The following VPS13B variants were observed in gnomAD, a reference collection of about 807,000 sequenced individuals.
VPS13B encodes the protein intermembrane lipid transfer protein VPS13B.
In VPS13B, 285 loss-of-function variants were observed where a neutral mutation model predicts 426.4. That is an observed-to-expected ratio of 0.67 (90% confidence interval 0.61 to 0.74). The LOEUF (loss-of-function observed/expected upper bound fraction) is 0.74. Among genes scored for constraint, VPS13B ranks in the 30% least tolerant of loss-of-function variants. The probability of loss-of-function intolerance (pLI) is 0.00; values close to 1 mark genes in which losing one functional copy is unlikely to be tolerated. For missense variants in VPS13B, 4,537 were observed against 4,782.6 expected (o/e 0.95, Z 1.51); for synonymous variants, 1,676 against 1,676.4 (o/e 1.00, Z 0.01).
intron 33 of VPS13B, among the ~76,000 whole-genome samples, chr8:99,616,324 AT>A (rs1003898116): frequency 2.6e-5 from 4 of 152,208 alleles, no homozygotes; most frequent in Non-Finnish European, 5.9e-5. Context: ...TTTAAAAAAA[AT>A]CTCACGAGAT....
chr8:99,264,763 T>C (rs961032894), intron 17 of VPS13B, among the ~76,000 whole-genome samples: 105 of 152,302 alleles, frequency 6.9e-4, no homozygotes, highest in African/African-American at 2.4e-3. Context: ...TAAACACTTT[T>C]AATTTGCAAC....
chr8:99,397,141 C>A (rs1317260699), intron 21 of VPS13B, among the ~76,000 whole-genome samples: 1 of 151,888 alleles, frequency 6.6e-6, no homozygotes, highest in Admixed American at 6.6e-5. Context: ...AATATTTCTT[C>A]TTTATTTATT....
chr8:99,537,595 T>C (rs536207247), intron 30 of VPS13B, among the ~76,000 whole-genome samples: 1 of 152,292 alleles, frequency 6.6e-6, no homozygotes, highest in Admixed American at 6.5e-5. Flanking sequence ...GAAGTTGCCC[T>C]CCTCTTTGGA....
At chr8:99,503,923 A>G (rs1161595693) in intron 27 of VPS13B, among the ~76,000 whole-genome samples, 1 of 152,184 alleles carries the variant, frequency 6.6e-6, no homozygotes, top group Non-Finnish European at 1.5e-5. Context: ...TGAATCTTTT[A>G]CAGAAGGTGT....
chr8:99,225,512 G>A (rs545588066), intron 17 of VPS13B, among the ~76,000 whole-genome samples: 14 of 152,138 alleles, frequency 9.2e-5, no homozygotes, highest in South Asian at 2.1e-4. Context: ...TTCTGACCTC[G>A]TGATCCATCC....
chr8:99,788,010 A>T (rs966899898), intron 43 of VPS13B, among the ~76,000 whole-genome samples: 1 of 152,136 alleles, frequency 6.6e-6, no homozygotes, highest in Non-Finnish European at 1.5e-5. Context: ...TAAAACATTT[A>T]TCCAAAATGA....
intron 20 of VPS13B, among the ~76,000 whole-genome samples, chr8:99,387,129 A>G (rs993345600): frequency 6.6e-6 from 1 of 152,194 alleles, no homozygotes; most frequent in African/African-American, 2.4e-5. Context: ...GCACTAGGCA[A>G]GTATTTTGCA....
chr8:99,142,980 C>T lies in VPS13B; in HGVS notation c.1658C>T (p.Thr553Ile), dbSNP rs920636969. Reference protein sequence around the residue: ...TMENTSGKGSTNQQDFSSGKS... With the variant: ...TMENTSGKGSINQQDFSSGKS... The stretch of plus-strand genomic sequence containing the variant: ...AAAATTTGACTTCTTTTAGGTTCCA[C>T]AAATCAACAAGACTTTTCTTCAGGG... Residue 553 changes from threonine (T) to isoleucine (I), a missense_variant, in exon 13 of 62, where the codon ACA (threonine) becomes ATA (isoleucine). Physicochemically the swap from Thr to Ile is moderately conservative, Grantham distance 89. This residue lies in a region of VPS13B where 4,311 missense variants were observed against 4,474.3 expected (regional missense o/e 0.96). Transcript: ENST00000357162. 1 of 1,612,870 alleles carries T rather than the reference C, an allele frequency of 6.2e-7. No individual in the cohort carries two copies. The highest frequency in any genetic ancestry group is 8.5e-7 in the Non-Finnish European group (1 of 1,179,622).
In VPS13B at chr8:99,823,971, G is replaced by A; in HGVS notation, c.9323G>A (p.Gly3108Glu). The change falls in exon 51 of 62, where the codon GGA becomes GAA. Residue 3108 changes from glycine to glutamate, a missense_variant. Physicochemically the swap from Gly to Glu is moderately conservative, Grantham distance 98. This residue lies in a region of VPS13B where 4,311 missense variants were observed against 4,474.3 expected (regional missense o/e 0.96). Coordinates refer to ENST00000357162, the MANE Select transcript of VPS13B (RefSeq NM_152564.5). Reference sequence around the variant, plus strand: ...CTATCTGTCTGCAATCCCCATTCTGGAAAGGAGGTAAGCAAATCATAACGA... The same window carrying A: ...CTATCTGTCTGCAATCCCCATTCTGAAAAGGAGGTAAGCAAATCATAACGA... ...PQLSVCNPHS[G>E]KEYFRVPDSA... 6.2e-7 allele frequency: 1 copy of A among 1,612,190 alleles called. No individual in the cohort carries two copies. Among genetic ancestry groups the A allele is most frequent in the East Asian group, 2.2e-5 (1 of 44,808 alleles).
At chr8:99,075,339 G>C (rs1224350532) in intron 3 of VPS13B, among the ~76,000 whole-genome samples, 1 of 152,192 alleles carries the variant, frequency 6.6e-6, no homozygotes, top group African/African-American at 2.4e-5. Context: ...GGTGAAGCAG[G>C]AACAGGCATG....
intron 33 of VPS13B, among the ~76,000 whole-genome samples, chr8:99,582,410 T>C (rs1450761467): frequency 6.6e-6 from 1 of 152,206 alleles, no homozygotes; most frequent in Non-Finnish European, 1.5e-5. Context: ...TGGCCTATCA[T>C]ATCTTGATTC....
At position 99,102,834 on chromosome 8, in the gene VPS13B, T is replaced by G; in HGVS notation, c.413-119T>G. 2.9e-6 allele frequency: 3 copies of G among 1,046,184 alleles called. No individual in the cohort carries two copies. In the East Asian group the frequency reaches 7.7e-5, roughly 27 times the overall value. The allele number at this position is 1,046,184 out of a possible 1,614,324, so 64.8% of individuals were successfully genotyped here. A position where few individuals can be genotyped will look rare whatever the true frequency, so the allele number is the denominator to read the frequency against. ...AACCTATCTGAACTTCAGTTTCTCT[T>G]TGGGAAATATGCTAAATAATAACCA... On this transcript the variant is annotated intron_variant, in intron 4 of 61. Coordinates refer to ENST00000357162, the MANE Select transcript of VPS13B (RefSeq NM_152564.5).
At chr8:99,218,293 A>G (rs750870883) in intron 17 of VPS13B, among the ~76,000 whole-genome samples, 6 of 152,212 alleles carry the variant, frequency 3.9e-5, no homozygotes, top group Non-Finnish European at 8.8e-5. Context: ...TAAAATATTT[A>G]CTATCTGGCC....
At chr8:99,689,137 C>T (rs1319026859) in intron 35 of VPS13B, among the ~76,000 whole-genome samples, 5 of 152,002 alleles carry the variant, frequency 3.3e-5, no homozygotes, top group Middle Eastern at 3.4e-3. Context: ...CTTGGTGGGG[C>T]GGTTTCATCT....
chr8:99,875,485 C>A lies in VPS13B; in HGVS notation c.11813C>A (p.Thr3938Lys). Residue 3938 changes from threonine (T) to lysine (K), a missense_variant, in exon 62 of 62, where the codon ACA becomes AAA. Thr to Lys is a moderately conservative substitution (Grantham distance 78). Coordinates refer to ENST00000357162, the MANE Select transcript of VPS13B (RefSeq NM_152564.5). ...AGACTGGTGGACTACATCACAAAGA[C>A]ATCTTGTCACCTGGCCCCCAGCTGT... ...YNRLVDYITKTSCHLAPSCSS... is the reference protein window; with the variant it reads ...YNRLVDYITKKSCHLAPSCSS... The A allele has an allele frequency of 6.2e-7, 1 of 1,614,190 alleles. No homozygotes were observed. The highest frequency in any genetic ancestry group is 1.7e-5 in the Admixed American group (1 of 60,032).
At chr8:99,584,217 C>T (rs1262691027) in intron 33 of VPS13B, among the ~76,000 whole-genome samples, 1 of 152,166 alleles carries the variant, frequency 6.6e-6, no homozygotes, top group Non-Finnish European at 1.5e-5. Context: ...GTACATTGAA[C>T]TCTCACATCT....
At chr8:99,695,755 A>T (rs2130137372) in intron 35 of VPS13B, among the ~76,000 whole-genome samples, 1 of 151,410 alleles carries the variant, frequency 6.6e-6, no homozygotes, top group South Asian at 2.1e-4. Flanking sequence ...CAGTGTCCCC[A>T]CATGAAGGAA....
chr8:99,708,429 G>A (rs923435242), intron 36 of VPS13B, among the ~76,000 whole-genome samples: 7 of 152,044 alleles, frequency 4.6e-5, no homozygotes, highest in South Asian at 2.1e-4. Context: ...CTTCTTTCAT[G>A]ACAAATTCTT....
chr8:99,228,858 G>T (rs1388115121), intron 17 of VPS13B, among the ~76,000 whole-genome samples: 1 of 152,076 alleles, frequency 6.6e-6, no homozygotes, highest in Non-Finnish European at 1.5e-5. Context: ...AACAGCAGAT[G>T]ATTATATTTG....
Sources: gnomAD v4.1 joint callset for allele counts (sites outside exome capture counted in the v4.1 genomes callset) on GRCh38, gnomAD v4.1.1 for gene constraint, gnomAD v4.1.1 regional missense constraint, MANE v1.5 for transcripts, NCBI Gene and HGNC (gene_info 2026-07-23, HGNC 2026-07-21) for gene names.